The following CIRSR variants were observed in gnomAD, a reference collection of about 807,000 sequenced individuals.
CIRSR encodes the protein corepressor of RBPJ and splicing regulator.
the CIRSR span, among the ~76,000 whole-genome samples, chr2:174,354,457 A>AAT: frequency 1.1e-5 from 1 of 94,434 alleles, no homozygotes; most frequent in African/African-American, 4.8e-5. Flanking sequence ...TATATAATAT[A>AAT]ATATATAAAA....
chr2:174,387,861 A>T, the CIRSR span: 1 of 1,255,826 alleles, frequency 8.0e-7, no homozygotes, highest in Non-Finnish European at 1.1e-6. Flanking sequence ...AATAAAATAT[A>T]AAATGCAATT....
At chr2:174,382,618 G>A in the CIRSR span, among the ~76,000 whole-genome samples, 2 of 152,100 alleles carry the variant, frequency 1.3e-5, no homozygotes, top group African/African-American at 4.8e-5. Flanking sequence ...CAGCCTGGGC[G>A]ACAGAGCCAG....
chr2:174,381,576 T>C, the CIRSR span: 1 of 628,374 alleles, frequency 1.6e-6, no homozygotes, highest in Non-Finnish European at 2.7e-6. Context: ...TTGCTCCAAC[T>C]CAGGAGGTGG....
the CIRSR span, among the ~76,000 whole-genome samples, chr2:174,363,319 T>C: frequency 1.3e-5 from 2 of 152,286 alleles, no homozygotes; most frequent in African/African-American, 4.8e-5. Context: ...CCCTTAATCC[T>C]GAAAGAGGAG....
the CIRSR span, chr2:174,348,908 C>CT: frequency 3.1e-6 from 5 of 1,614,032 alleles, no homozygotes; most frequent in Non-Finnish European, 3.4e-6. Flanking sequence ...GCTTTCTCTT[C>CT]TTAGACTTGT....
the CIRSR span, chr2:174,381,782 G>A: frequency 4.5e-6 from 7 of 1,554,138 alleles, no homozygotes; most frequent in South Asian, 8.6e-5. Flanking sequence ...AGCAATCTAA[G>A]TGAAACAAGA....
chr2:174,381,269 A>G, the CIRSR span, among the ~76,000 whole-genome samples: 1 of 152,202 alleles, frequency 6.6e-6, no homozygotes, highest in African/African-American at 2.4e-5. Context: ...TCACAGGATA[A>G]CAGCAATTTT....
the CIRSR span, among the ~76,000 whole-genome samples, chr2:174,379,716 CTTT>C: frequency 8.6e-4 from 72 of 83,736 alleles, no homozygotes; most frequent in South Asian, 0.014. Flanking sequence ...TGATTCCTGT[CTTT>C]TTTTTTTTTT....
At chr2:174,375,501 C>T in the CIRSR span, among the ~76,000 whole-genome samples, 6 of 152,078 alleles carry the variant, frequency 3.9e-5, no homozygotes, top group African/African-American at 1.4e-4. Flanking sequence ...CCCAGCTACT[C>T]AGGAGGCTGA....
the CIRSR span, among the ~76,000 whole-genome samples, chr2:174,354,720 A>ATG: frequency 5.7e-5 from 6 of 104,678 alleles, no homozygotes; most frequent in Non-Finnish European, 9.1e-5. Flanking sequence ...AATATAATAT[A>ATG]TATTATATAA....
At chr2:174,369,849 C>G in the CIRSR span, 1 of 1,071,292 alleles carries the variant, frequency 9.3e-7, no homozygotes, top group Non-Finnish European at 1.2e-6. Flanking sequence ...TCAAAGATCA[C>G]TGAGCACAGA....
chr2:174,371,943 T>C, the CIRSR span, among the ~76,000 whole-genome samples: 5 of 151,620 alleles, frequency 3.3e-5, no homozygotes, highest in Non-Finnish European at 5.9e-5. Flanking sequence ...CAATAGGTGA[T>C]TTTTTTTTAA....
the CIRSR span, among the ~76,000 whole-genome samples, chr2:174,376,382 C>A: frequency 1.3e-5 from 2 of 152,074 alleles, no homozygotes; most frequent in Non-Finnish European, 2.9e-5. Flanking sequence ...TTCACTTGAT[C>A]CTGAAAAAGT....
the CIRSR span, among the ~76,000 whole-genome samples, chr2:174,355,934 C>T: frequency 3.3e-5 from 5 of 152,060 alleles, no homozygotes; most frequent in African/African-American, 1.2e-4. Flanking sequence ...TCACTGCAAA[C>T]ACTAGGTCCA....
At chr2:174,379,397 G>A in the CIRSR span, among the ~76,000 whole-genome samples, 1 of 152,104 alleles carries the variant, frequency 6.6e-6, no homozygotes, top group Non-Finnish European at 1.5e-5. Flanking sequence ...TCAAAACCTG[G>A]AGCTGGTAAA....
chr2:174,385,962 A>G, the CIRSR span, among the ~76,000 whole-genome samples: 1 of 152,212 alleles, frequency 6.6e-6, no homozygotes, highest in African/African-American at 2.4e-5. Context: ...CAAAAGTCCA[A>G]GGAGAAACAG....
At chr2:174,367,899 CA>C in the CIRSR span, among the ~76,000 whole-genome samples, 1 of 151,348 alleles carries the variant, frequency 6.6e-6, no homozygotes, top group African/African-American at 2.4e-5. Flanking sequence ...ACCATGCTAA[CA>C]CTAATTGATA....
At chr2:174,363,025 GA>G in the CIRSR span, among the ~76,000 whole-genome samples, 1 of 152,086 alleles carries the variant, frequency 6.6e-6, no homozygotes, top group Non-Finnish European at 1.5e-5. Context: ...CCATCAGTGG[GA>G]AGGGAAAAGT....
chr2:174,383,366 T>TA, the CIRSR span, among the ~76,000 whole-genome samples: 1 of 151,724 alleles, frequency 6.6e-6, no homozygotes, highest in African/African-American at 2.4e-5. Flanking sequence ...TAAATATACT[T>TA]AAAAACAACA....
Sources: gnomAD v4.1 joint callset for allele counts (sites outside exome capture counted in the v4.1 genomes callset) on GRCh38, gnomAD v4.1.1 for gene constraint, MANE v1.5 for transcripts, NCBI Gene and HGNC (gene_info 2026-07-23, HGNC 2026-07-21) for gene names.